The following DIS3L2 variants were observed in gnomAD, a reference collection of about 807,000 sequenced individuals.
The protein encoded by DIS3L2 is DIS3 like 3'-5' exoribonuclease 2.
In DIS3L2, 34 loss-of-function variants were observed where a neutral mutation model predicts 97.5. The ratio of observed to expected loss-of-function variants is 0.35; its 90% CI spans 0.27 to 0.46. The LOEUF (loss-of-function observed/expected upper bound fraction) is 0.46. Ranked by LOEUF, DIS3L2 falls within the 20% of genes least tolerant of loss-of-function variation. The pLI is 1.00. For synonymous variants in DIS3L2, 435 were observed against 445.2 expected (o/e 0.98, Z 0.29); for missense variants, 1,038 against 1,146.0 (o/e 0.91, Z 1.36).
chr2:232,056,528 A>T (rs1266782183), intron 5 of DIS3L2, among the ~76,000 whole-genome samples: 3 of 152,202 alleles, frequency 2.0e-5, no homozygotes, highest in Non-Finnish European at 4.4e-5. Flanking sequence ...CCAGATATAT[A>T]TTCAACAAAC....
chr2:232,305,581 G>A (rs1030358836), intron 14 of DIS3L2, among the ~76,000 whole-genome samples: 3 of 152,222 alleles, frequency 2.0e-5, no homozygotes. Flanking sequence ...AGTTCCAAGA[G>A]TACCAATTCT....
intron 8 of DIS3L2, among the ~76,000 whole-genome samples, chr2:232,139,308 T>C (rs1273046845): frequency 6.6e-6 from 1 of 152,194 alleles, no homozygotes; most frequent in Non-Finnish European, 1.5e-5. Context: ...AGCTGTGTTA[T>C]TCTGCTTCTC....
intron 1 of DIS3L2, among the ~76,000 whole-genome samples, chr2:232,007,215 A>G (rs566842371): frequency 1.4e-4 from 21 of 152,342 alleles, no homozygotes; most frequent in Non-Finnish European, 3.1e-4. Flanking sequence ...ACACACATTA[A>G]GAGGGTTAGG....
chr2:232,258,141 G>A (rs1693616471), intron 12 of DIS3L2, among the ~76,000 whole-genome samples: 1 of 152,182 alleles, frequency 6.6e-6, no homozygotes, highest in Non-Finnish European at 1.5e-5. Context: ...ACATAATTAT[G>A]TACTCCTTTT....
intron 14 of DIS3L2, among the ~76,000 whole-genome samples, chr2:232,316,767 T>C (rs1311496429): frequency 6.6e-6 from 1 of 152,260 alleles, no homozygotes; most frequent in Non-Finnish European, 1.5e-5. Flanking sequence ...GTGCTTATTA[T>C]TGAATTGTTC....
At chr2:232,219,842 T>C (rs539059630) in intron 10 of DIS3L2, among the ~76,000 whole-genome samples, 1 of 152,338 alleles carries the variant, frequency 6.6e-6, no homozygotes, top group East Asian at 1.9e-4. Context: ...CAATAAGTGC[T>C]GATTTTCTGA....
At chr2:232,258,366 C>T (rs891331913) in intron 12 of DIS3L2, among the ~76,000 whole-genome samples, 7 of 152,076 alleles carry the variant, frequency 4.6e-5, no homozygotes, top group Non-Finnish European at 1.0e-4. Context: ...GGGCGGATCA[C>T]GAGGTCTGGA....
At chr2:231,969,370 G>A (rs554228200) in intron 1 of DIS3L2, among the ~76,000 whole-genome samples, 3 of 149,068 alleles carry the variant, frequency 2.0e-5, no homozygotes, top group African/African-American at 7.4e-5. Flanking sequence ...GAGTGCAGTG[G>A]CGCAATCTTG....
chr2:232,145,927 A>G (rs1352907110), intron 8 of DIS3L2, among the ~76,000 whole-genome samples: 2 of 152,202 alleles, frequency 1.3e-5, no homozygotes, highest in East Asian at 3.8e-4. Context: ...TTGATAAGGA[A>G]GAGGCATACC....
chr2:232,168,619 G>C (rs1023515538), intron 9 of DIS3L2, among the ~76,000 whole-genome samples: 1 of 152,164 alleles, frequency 6.6e-6, no homozygotes, highest in African/African-American at 2.4e-5. Flanking sequence ...TAGGAACCAA[G>C]AGTGCCACTG....
intron 1 of DIS3L2, among the ~76,000 whole-genome samples, chr2:231,970,084 C>T (rs1041577715): frequency 2.0e-5 from 3 of 151,812 alleles, no homozygotes; most frequent in Admixed American, 6.6e-5. Flanking sequence ...TAGCTGGGAC[C>T]ACATACTACA....
rs371458369 is a variant in DIS3L2, at chr2:232,013,801, C to T, written c.-93-1034C>T. On this transcript the variant is annotated intron_variant, in intron 1 of 20. Coordinates refer to ENST00000325385, the MANE Select transcript of DIS3L2 (RefSeq NM_152383.5). ...TGTTTATATAAGGCCATCTCTTTCT[C>T]TCCCTTCTTTCAACTGGATTGGCTT... is the stretch of plus-strand genomic sequence containing the variant. 3.3e-5 allele frequency among the ~76,000 whole-genome samples: 5 copies of T among 152,274 alleles called. No individual in the cohort carries two copies. In the East Asian group the frequency reaches 9.6e-4, roughly 29 times the overall value.
intron 5 of DIS3L2, among the ~76,000 whole-genome samples, chr2:232,087,071 G>A (rs1333556970): frequency 1.3e-5 from 2 of 151,880 alleles, no homozygotes; most frequent in African/African-American, 2.4e-5. Context: ...TATTCTTGTG[G>A]TTTCCTTGGT....
chr2:232,015,325 A>G (rs192889867), intron 2 of DIS3L2, among the ~76,000 whole-genome samples, 189 bp from the exon 3 acceptor site: 104 of 152,266 alleles, frequency 6.8e-4, no homozygotes, highest in African/African-American at 2.4e-3. Context: ...CTCAAGTCTC[A>G]TCTGTGTATA....
intron 5 of DIS3L2, among the ~76,000 whole-genome samples, chr2:232,051,996 A>G (rs1056247173): frequency 3.3e-5 from 5 of 151,334 alleles, no homozygotes; most frequent in Admixed American, 2.6e-4. Context: ...TAATGTTTAT[A>G]GTTGATTTTG....
chr2:232,087,935 G>A, intron 6 of DIS3L2: 2 of 523,426 alleles, frequency 3.8e-6, no homozygotes, highest in Non-Finnish European at 3.4e-6. Flanking sequence ...GTGGGCAGTA[G>A]TTGCAGTTGC....
At position 232,158,311 on chromosome 2, in the gene DIS3L2, G is replaced by A. The variant is rs1044203423; in HGVS notation, c.951-5148G>A. On this transcript the variant is annotated intron_variant, in intron 8 of 20. Coordinates refer to ENST00000325385, the MANE Select transcript of DIS3L2 (RefSeq NM_152383.5). ...TTCTGCATCCTCCTTTATATCGTGT[G>A]TGTGTGTGTGTGTGTGTGTGTGTGC... is the stretch of plus-strand genomic sequence containing the variant. Among the ~76,000 whole-genome samples, 179 of 139,788 alleles carry A rather than the reference G, an allele frequency of 1.3e-3. 1 individual carries two copies. The highest frequency in any genetic ancestry group is 2.0e-3 in the East Asian group (10 of 5,060). The allele number at this position is 139,788 out of a possible 152,430, so 91.7% of individuals were successfully genotyped here.
chr2:232,074,066 T>C (rs1696114087), intron 5 of DIS3L2, among the ~76,000 whole-genome samples: 2 of 152,224 alleles, frequency 1.3e-5, no homozygotes, highest in African/African-American at 4.8e-5. Flanking sequence ...CAGTTAACTT[T>C]ATGGTTATAT....
intron 16 of DIS3L2, 85 bp from the exon 17 acceptor site, chr2:232,333,755 C>A (rs1168493826): frequency 2.0e-6 from 3 of 1,488,860 alleles, no homozygotes; most frequent in Non-Finnish European, 2.7e-6. Context: ...TCGCTGCCGA[C>A]GGTGAGGCTG....
Sources: gnomAD v4.1 joint callset for allele counts (sites outside exome capture counted in the v4.1 genomes callset) on GRCh38, gnomAD v4.1.1 for gene constraint, MANE v1.5 for transcripts, NCBI Gene and HGNC (gene_info 2026-07-23, HGNC 2026-07-21) for gene names.